Variants in RBM25 observed in about 807,000 individuals in gnomAD.
The protein encoded by RBM25 is RNA-binding protein 25.
RBM25 carries 19 observed loss-of-function variants against 120.7 expected under a neutral mutation model. That is an observed-to-expected ratio of 0.16 (90% CI 0.11 to 0.23). The LOEUF (loss-of-function observed/expected upper bound fraction) is 0.23, where lower values mean the gene tolerates loss of function less well. Among genes scored for constraint, RBM25 ranks in the 10% least tolerant of loss-of-function variants. The probability of loss-of-function intolerance (pLI) is 1.00; values close to 1 mark genes in which losing one functional copy is unlikely to be tolerated. For missense variants in RBM25, 605 were observed against 1,041.5 expected (o/e 0.58, Z 5.77); for synonymous variants, 390 against 326.7 (o/e 1.19, Z -2.09).
intron 1 of RBM25, among the ~76,000 whole-genome samples, chr14:73,060,300 G>A (rs895043904): frequency 6.6e-6 from 1 of 151,468 alleles, no homozygotes; most frequent in African/African-American, 2.4e-5. Flanking sequence ...GCCCCAAAGC[G>A]CTGGGATTAC....
chr14:73,097,917 T>C (rs1033385432), intron 7 of RBM25, among the ~76,000 whole-genome samples: 3 of 152,226 alleles, frequency 2.0e-5, no homozygotes, highest in African/African-American at 4.8e-5. Flanking sequence ...AGTTTTCTCA[T>C]ACTTATTTCC....
intron 3 of RBM25, 136 bp downstream of exon 3, chr14:73,076,504 A>G (rs1363031211): frequency 2.7e-6 from 2 of 741,148 alleles, no homozygotes; most frequent in East Asian, 5.6e-5. Context: ...CCTGTAGAGC[A>G]TATCATTTAT....
intron 6 of RBM25, among the ~76,000 whole-genome samples, chr14:73,095,887 G>C (rs1895931654): frequency 6.6e-6 from 1 of 152,136 alleles, no homozygotes; most frequent in Non-Finnish European, 1.5e-5. Context: ...AAACTTTGGG[G>C]CATGCACAAC....
At chr14:73,083,703 G>T (rs1895617237) in intron 5 of RBM25, 152 bp downstream of exon 5, 2 of 489,912 alleles carry the variant, frequency 4.1e-6, no homozygotes. Flanking sequence ...GGGTTAAAAG[G>T]CAGTTTGGGA....
chr14:73,087,764 C>T (rs1423876839), intron 5 of RBM25, among the ~76,000 whole-genome samples: 1 of 152,124 alleles, frequency 6.6e-6, no homozygotes, highest in Non-Finnish European at 1.5e-5. Flanking sequence ...TAATGAGTAG[C>T]AGTTTGTCTG....
At chr14:73,095,493 C>T (rs1895922620) in intron 6 of RBM25, among the ~76,000 whole-genome samples, 1 of 151,774 alleles carries the variant, frequency 6.6e-6, no homozygotes, top group Admixed American at 6.6e-5. Flanking sequence ...GTGGTCCCAG[C>T]TACTCAGGAG....
At chr14:73,071,800 G>C in intron 2 of RBM25, 53 bp downstream of exon 2, 1 of 1,393,544 alleles carries the variant, frequency 7.2e-7, no homozygotes, top group Non-Finnish European at 1.0e-6. Context: ...TTGTCTTTGT[G>C]ATACTAACTT....
chr14:73,070,752 T>C lies in RBM25; in HGVS notation c.-15-875T>C, dbSNP rs1353410343. 5.3e-5 allele frequency among the ~76,000 whole-genome samples: 8 copies of C among 152,002 alleles called. No individual in the cohort carries two copies. In the East Asian group the frequency reaches 1.4e-3, roughly 26 times the overall value. The stretch of plus-strand genomic sequence containing the variant: ...TCGTGAGATCAGGAGACCGAGACCA[T>C]CTTGGCCAACATGGTGAAACCCCGT... On this transcript the variant is annotated intron_variant, in intron 1 of 18. Coordinates refer to ENST00000261973, the MANE Select transcript of RBM25 (RefSeq NM_021239.3).
chr14:73,074,016 A>G (rs570796786), intron 2 of RBM25, among the ~76,000 whole-genome samples: 1 of 152,332 alleles, frequency 6.6e-6, no homozygotes, highest in African/African-American at 2.4e-5. Context: ...AATTTTGCTG[A>G]AAGGAAATTC....
intron 6 of RBM25, among the ~76,000 whole-genome samples, chr14:73,088,977 C>T (rs1895749407): frequency 6.6e-6 from 1 of 152,068 alleles, no homozygotes; most frequent in South Asian, 2.1e-4. Flanking sequence ...CCTGTCTCTA[C>T]TAAAAATACA....
intron 1 of RBM25, among the ~76,000 whole-genome samples, chr14:73,069,478 CTTG>C (rs1330998788): frequency 6.6e-6 from 1 of 151,712 alleles, no homozygotes; most frequent in African/African-American, 2.4e-5. Context: ...GAATTTTGCT[CTTG>C]TTGTCCAGGC....
At chr14:73,092,175 G>A (rs1895832095) in intron 6 of RBM25, among the ~76,000 whole-genome samples, 1 of 149,760 alleles carries the variant, frequency 6.7e-6, no homozygotes. Context: ...GAGTAGATTA[G>A]AGATTTGCCA....
chr14:73,088,028 C>A lies in RBM25; in HGVS notation c.410C>A (p.Pro137Gln). The A allele has an allele frequency of 6.2e-7, 1 of 1,613,996 alleles. No individual in the cohort carries two copies. The highest frequency in any genetic ancestry group is 8.5e-7 in the Non-Finnish European group (1 of 1,180,002). ...QAFGFCEYKE[P>Q]ESTLRALRLL... Reference sequence around the variant, plus strand: ...TTCGGATTCTGTGAGTACAAGGAGCCAGAATCTACCCTCCGTGCACTCAGA... The same window carrying A: ...TTCGGATTCTGTGAGTACAAGGAGCAAGAATCTACCCTCCGTGCACTCAGA... The change falls in exon 6 of 19, where the codon CCA (proline) becomes CAA (glutamine). Residue 137 changes from proline (P) to glutamine (Q), a missense_variant. Around this residue, in one of 4 missense-constraint regions of RBM25, gnomAD observed 27 missense variants for 109.4 expected, o/e 0.25. Coordinates refer to ENST00000261973, the MANE Select transcript of RBM25 (RefSeq NM_021239.3).
intron 6 of RBM25, among the ~76,000 whole-genome samples, chr14:73,091,701 A>G (rs930243387): frequency 6.7e-6 from 1 of 149,516 alleles, no homozygotes; most frequent in African/African-American, 2.4e-5. Flanking sequence ...GTGGAACTCC[A>G]TCTCTACTAA....
intron 3 of RBM25, among the ~76,000 whole-genome samples, chr14:73,077,075 C>T (rs78277102): frequency 0.07 from 10,621 of 152,160 alleles, 534 homozygotes; most frequent in South Asian, 0.19. Context: ...AGCGAAATTC[C>T]GTTTCAGAAA....
At chr14:73,095,308 G>A (rs1044722087) in intron 6 of RBM25, among the ~76,000 whole-genome samples, 3 of 139,572 alleles carry the variant, frequency 2.1e-5, no homozygotes, top group African/African-American at 5.4e-5. Context: ...CTCACAGTAT[G>A]CTCTTAAGAA....
chr14:73,123,664 T>C lies in RBM25; in HGVS notation c.*3859T>C, dbSNP rs985071634. Reference sequence around the variant, plus strand: ...ATAGAGCGAAGTGAACTTACACTTTTTGATAAACTGATAGATTTTTTGTAA... The same window carrying C: ...ATAGAGCGAAGTGAACTTACACTTTCTGATAAACTGATAGATTTTTTGTAA... On this transcript the variant is annotated 3_prime_UTR_variant, in exon 19 of 19. Transcript: ENST00000261973. 1 of 152,210 alleles carries C rather than the reference T, an allele frequency of 6.6e-6. No homozygotes were observed. Among genetic ancestry groups the C allele is most frequent in the African/African-American group, 2.4e-5 (1 of 41,450 alleles). The allele number at this position is 152,210 out of a possible 1,614,324, so 9.4% of individuals were successfully genotyped here.
rs996100877 is a variant in RBM25, at chr14:73,123,720, T to A, written c.*3915T>A. 1 of 152,254 alleles carries A rather than the reference T, an allele frequency of 6.6e-6. No individual in the cohort carries two copies. The highest frequency in any genetic ancestry group is 1.9e-4 in the East Asian group (1 of 5,206). 9.4% of individuals were successfully genotyped at this position (152,254 alleles called of 1,614,324 possible). A position where few individuals can be genotyped will look rare whatever the true frequency, so the allele number is the denominator to read the frequency against. ...TTATGGTAAAATACTGAAATATTTA[T>A]GTTAATTTATTTGCATTTGAATGCT... On this transcript the variant is annotated 3_prime_UTR_variant, in exon 19 of 19. Coordinates refer to ENST00000261973, the MANE Select transcript of RBM25 (RefSeq NM_021239.3).
intron 15 of RBM25, 105 bp from the exon 16 acceptor site, chr14:73,111,423 A>T (rs1333570736): frequency 7.9e-7 from 1 of 1,268,776 alleles, no homozygotes; most frequent in Non-Finnish European, 1.1e-6. Context: ...ATCTTTCTCT[A>T]AGATTTGTGG....
Sources: gnomAD v4.1 joint callset for allele counts (sites outside exome capture counted in the v4.1 genomes callset) on GRCh38, gnomAD v4.1.1 for gene constraint, gnomAD v4.1.1 regional missense constraint, MANE v1.5 for transcripts, NCBI Gene and HGNC (gene_info 2026-07-23, HGNC 2026-07-21) for gene names.